The following PDE11A variants were observed in gnomAD, a reference collection of about 807,000 sequenced individuals.
The protein encoded by PDE11A is phosphodiesterase 11A, also known as dual 3',5'-cyclic-AMP and -GMP phosphodiesterase 11A.
PDE11A carries 100 observed loss-of-function variants against 100.5 expected under a neutral mutation model. The observed-to-expected ratio is 1.00, with a 90% CI of 0.85 to 1.18. The LOEUF (loss-of-function observed/expected upper bound fraction) is 1.18, where lower values mean the gene tolerates loss of function less well. Ranked by LOEUF, PDE11A falls within the 50% of genes most tolerant of loss-of-function variation. The pLI is 0.00. For synonymous variants in PDE11A, 381 were observed against 420.8 expected (o/e 0.91, Z 1.16); for missense variants, 1,141 against 1,152.6 (o/e 0.99, Z 0.15).
At chr2:177,644,607 C>A (rs2080194689) in intron 19 of PDE11A, among the ~76,000 whole-genome samples, 1 of 152,284 alleles carries the variant, frequency 6.6e-6, no homozygotes, top group Non-Finnish European at 1.5e-5. Context: ...TGAGTTAATG[C>A]TGAAATGAGC....
chr2:177,841,813 A>T (rs2083495215), intron 5 of PDE11A, among the ~76,000 whole-genome samples: 1 of 152,256 alleles, frequency 6.6e-6, no homozygotes, highest in Non-Finnish European at 1.5e-5. Flanking sequence ...TAGTTCTTAG[A>T]TGGCACCTAA....
At chr2:177,777,004 C>T (rs974861914) in intron 9 of PDE11A, among the ~76,000 whole-genome samples, 4 of 152,076 alleles carry the variant, frequency 2.6e-5, no homozygotes, top group South Asian at 2.1e-4. Flanking sequence ...CCCTTTTGCT[C>T]GGCACTTCTC....
At position 177,623,892 on chromosome 2, in the gene PDE11A, C is replaced by T. The variant is rs2079797119; in HGVS notation, c.*5515G>A. Reference sequence around the variant, plus strand: ...TTTAAAAAAGTACAACCCCAAATTACTAGCTGAAGACAAGGTCATGACAAA... The same window carrying T: ...TTTAAAAAAGTACAACCCCAAATTATTAGCTGAAGACAAGGTCATGACAAA... On this transcript the variant is annotated 3_prime_UTR_variant, in exon 20 of 20. Coordinates refer to ENST00000286063, the MANE Select transcript of PDE11A (RefSeq NM_016953.4). 1 of 152,242 alleles carries T rather than the reference C, an allele frequency of 6.6e-6. No homozygotes were observed. Among genetic ancestry groups the T allele is most frequent in the Admixed American group, 6.5e-5 (1 of 15,284 alleles). The allele number at this position is 152,242 out of a possible 1,614,324, so 9.4% of individuals were successfully genotyped here.
chr2:177,998,032 G>A (rs1279480657), intron 2 of PDE11A: 28 of 1,252,774 alleles, frequency 2.2e-5, no homozygotes, highest in Non-Finnish European at 3.1e-5. Context: ...AGAGAAGAAG[G>A]GTACTGCCTG....
intron 2 of PDE11A, 80 bp from the exon 3 acceptor site, chr2:177,905,267 C>A: frequency 2.7e-6 from 2 of 738,730 alleles, no homozygotes; most frequent in South Asian, 1.5e-5. Flanking sequence ...CACACTTCTT[C>A]TATATGCCTG....
intron 9 of PDE11A, among the ~76,000 whole-genome samples, chr2:177,780,222 G>A (rs2082434549): frequency 6.6e-6 from 1 of 152,094 alleles, no homozygotes; most frequent in Admixed American, 6.5e-5. Flanking sequence ...CATTTATAGT[G>A]TACAAGCAGA....
intron 6 of PDE11A, among the ~76,000 whole-genome samples, chr2:177,830,360 G>T (rs1460037747): frequency 6.6e-6 from 1 of 152,108 alleles, no homozygotes; most frequent in African/African-American, 2.4e-5. Context: ...AGCACTTTGG[G>T]AGGCCAAGGT....
At chr2:177,636,229 G>T (rs1439415185) in intron 19 of PDE11A, among the ~76,000 whole-genome samples, 2 of 152,182 alleles carry the variant, frequency 1.3e-5, no homozygotes, top group African/African-American at 2.4e-5. Flanking sequence ...GTAGAGCTAA[G>T]AAGGATACAC....
intron 6 of PDE11A, among the ~76,000 whole-genome samples, chr2:177,835,993 C>A (rs529114160): frequency 5.3e-5 from 8 of 152,192 alleles, no homozygotes; most frequent in African/African-American, 1.9e-4. Context: ...GCCTCCCCGA[C>A]GAGCGCTGCC....
chr2:178,090,617 T>C (rs2087411547), intron 2 of PDE11A, among the ~76,000 whole-genome samples: 1 of 152,190 alleles, frequency 6.6e-6, no homozygotes, highest in Non-Finnish European at 1.5e-5. Flanking sequence ...GTTGTATAAA[T>C]CCAAACTGTA....
intron 2 of PDE11A, among the ~76,000 whole-genome samples, chr2:177,983,228 T>C (rs1189777085): frequency 1.3e-5 from 2 of 152,124 alleles, no homozygotes; most frequent in Non-Finnish European, 2.9e-5. Flanking sequence ...TCTCACTTTG[T>C]AATTTGTCTT....
chr2:177,947,052 G>C (rs2085448818), intron 2 of PDE11A, among the ~76,000 whole-genome samples: 1 of 107,162 alleles, frequency 9.3e-6, no homozygotes, highest in Non-Finnish European at 2.1e-5. Context: ...GCCCCGTCCG[G>C]GAGGTGAGGG....
intron 3 of PDE11A, among the ~76,000 whole-genome samples, chr2:177,904,695 C>T (rs1249719191): frequency 1.3e-5 from 2 of 151,286 alleles, no homozygotes; most frequent in Non-Finnish European, 2.9e-5. Flanking sequence ...GCTGGGACTA[C>T]AGGCACCACC....
chr2:177,881,332 C>CT (rs781126198), intron 4 of PDE11A, among the ~76,000 whole-genome samples: 1 of 139,724 alleles, frequency 7.2e-6, no homozygotes, highest in African/African-American at 2.6e-5. Context: ...ATCTATCTAT[C>CT]ATCTATCTGT....
chr2:178,100,170 T>C (rs184421448), intron 2 of PDE11A, among the ~76,000 whole-genome samples: 1 of 152,340 alleles, frequency 6.6e-6, no homozygotes, highest in East Asian at 1.9e-4. Context: ...GTGGTTATGG[T>C]TGCAAAACAG....
At chr2:178,078,123 C>T (rs1441065035) in intron 2 of PDE11A, among the ~76,000 whole-genome samples, 2 of 152,012 alleles carry the variant, frequency 1.3e-5, no homozygotes, top group Non-Finnish European at 2.9e-5. Flanking sequence ...TGCCACAACT[C>T]TCCAAGCATT....
chr2:177,736,871 C>G (rs2081792127), intron 10 of PDE11A, among the ~76,000 whole-genome samples: 1 of 152,192 alleles, frequency 6.6e-6, no homozygotes, highest in Non-Finnish European at 1.5e-5. Flanking sequence ...ACTGACCACC[C>G]AATGGAAATG....
chr2:177,946,009 T>G (rs1402906195), intron 2 of PDE11A, among the ~76,000 whole-genome samples: 70 of 120,902 alleles, frequency 5.8e-4, no homozygotes, highest in South Asian at 8.3e-4. Flanking sequence ...AGATGGGGGG[T>G]CAGCCCCCCC....
At chr2:177,922,471 AC>A (rs2085066195) in intron 2 of PDE11A, among the ~76,000 whole-genome samples, 1 of 152,126 alleles carries the variant, frequency 6.6e-6, no homozygotes, top group Non-Finnish European at 1.5e-5. Context: ...TATAACAACA[AC>A]AAAAAATAAT....
Sources: gnomAD v4.1 joint callset for allele counts (sites outside exome capture counted in the v4.1 genomes callset) on GRCh38, gnomAD v4.1.1 for gene constraint, MANE v1.5 for transcripts, NCBI Gene and HGNC (gene_info 2026-07-23, HGNC 2026-07-21) for gene names.